ZBTB38: variants seen among roughly 807,000 people sequenced by gnomAD.
ZBTB38 encodes zinc finger and BTB domain containing 38.
ZBTB38 carries 20 observed loss-of-function variants against 76.8 expected under a neutral mutation model. The ratio of observed to expected loss-of-function variants is 0.26; its 90% CI spans 0.18 to 0.38. The LOEUF (loss-of-function observed/expected upper bound fraction) is 0.38, where lower values mean the gene tolerates loss of function less well. Ranked by LOEUF, ZBTB38 falls within the 10% of genes least tolerant of loss-of-function variation. ZBTB38 has a pLI of 1.00. For missense variants in ZBTB38, 1,082 were observed against 1,482.3 expected (o/e 0.73, Z 4.43); for synonymous variants, 504 against 544.2 (o/e 0.93, Z 1.03).
intron 5 of ZBTB38, among the ~76,000 whole-genome samples, chr3:141,417,661 C>T (rs1273322312): frequency 2.0e-5 from 3 of 152,176 alleles, no homozygotes; most frequent in Non-Finnish European, 4.4e-5. Flanking sequence ...TTTGTCAAAT[C>T]ATTCCTATAT....
At chr3:141,394,139 T>C (rs1340133670) in intron 4 of ZBTB38, 1 of 152,140 alleles carries the variant, frequency 6.6e-6, no homozygotes, top group Non-Finnish European at 1.5e-5. Flanking sequence ...GCCTCCTGAG[T>C]AGCTGGGACT....
At chr3:141,422,150 G>C (rs1289136276) in intron 5 of ZBTB38, among the ~76,000 whole-genome samples, 2 of 152,256 alleles carry the variant, frequency 1.3e-5, no homozygotes, top group Non-Finnish European at 2.9e-5. Flanking sequence ...CCTGAAAGCA[G>C]AATGGGCAGG....
chr3:141,363,407 A>G (rs540710704), intron 1 of ZBTB38, among the ~76,000 whole-genome samples: 1 of 152,262 alleles, frequency 6.6e-6, no homozygotes, highest in Admixed American at 6.5e-5. Context: ...CCTAAAAATC[A>G]TATGGCAATG....
At chr3:141,359,454 C>A (rs1389520666) in intron 1 of ZBTB38, among the ~76,000 whole-genome samples, 1 of 152,174 alleles carries the variant, frequency 6.6e-6, no homozygotes, top group Non-Finnish European at 1.5e-5. Context: ...GGGTGGTGAG[C>A]TGTGCCCAGC....
chr3:141,330,178 T>C (rs2148878277), intron 1 of ZBTB38, among the ~76,000 whole-genome samples: 1 of 152,072 alleles, frequency 6.6e-6, no homozygotes, highest in East Asian at 1.9e-4. Context: ...ACGTGTCCAG[T>C]GTTGACTATA....
intron 3 of ZBTB38, chr3:141,384,980 T>C (rs562640069): frequency 6.6e-6 from 1 of 152,344 alleles, no homozygotes; most frequent in South Asian, 2.1e-4. Flanking sequence ...ACTTATGCTC[T>C]GGGGCAGGAG....
At chr3:141,344,182 C>T (rs900591043) in intron 1 of ZBTB38, among the ~76,000 whole-genome samples, 1 of 152,152 alleles carries the variant, frequency 6.6e-6, no homozygotes, top group Non-Finnish European at 1.5e-5. Context: ...GCTTAACACA[C>T]ACAGTTATCT....
At chr3:141,433,927 GATTGCAGAGAGAACTGTGAAGCA>G in intron 5 of ZBTB38, among the ~76,000 whole-genome samples, 1 of 152,332 alleles carries the variant, frequency 6.6e-6, no homozygotes, top group African/African-American at 2.4e-5. Context: ...ATCTTTAAGA[GATTGCAGAGAGAACTGTGAAGCA>G]ATCCTACATT....
At chr3:141,327,672 T>C (rs2148871406) in intron 1 of ZBTB38, among the ~76,000 whole-genome samples, 1 of 152,264 alleles carries the variant, frequency 6.6e-6, no homozygotes, top group East Asian at 1.9e-4. Flanking sequence ...TGAATAAAGC[T>C]TGGACTTTAG....
chr3:141,446,044 T>G lies in ZBTB38; in HGVS notation c.*68T>G. 2 of 1,388,694 alleles carry G rather than the reference T, an allele frequency of 1.4e-6. No homozygotes were observed. The highest frequency in any genetic ancestry group is 1.9e-6 in the Non-Finnish European group (2 of 1,037,482). The allele number at this position is 1,388,694 out of a possible 1,614,324, so 86.0% of individuals were successfully genotyped here. On this transcript the variant is annotated 3_prime_UTR_variant, in exon 6 of 6. Coordinates refer to ENST00000321464, the MANE Select transcript of ZBTB38 (RefSeq NM_001376113.1). ...TTTTTTAGTTATGATTTAAGTTTAG[T>G]TTCATTTTGTCCATGTGACAGTCAT...
At chr3:141,340,590 T>G (rs1470734285) in intron 1 of ZBTB38, among the ~76,000 whole-genome samples, 1 of 151,278 alleles carries the variant, frequency 6.6e-6, no homozygotes, top group Non-Finnish European at 1.5e-5. Context: ...AATAGACATT[T>G]CTCCAAAGAA....
intron 4 of ZBTB38, chr3:141,387,716 T>C (rs1947517101): frequency 6.6e-6 from 1 of 152,230 alleles, no homozygotes; most frequent in South Asian, 2.1e-4. Flanking sequence ...TAAATTCAGT[T>C]CTGTGATCAC....
intron 5 of ZBTB38, among the ~76,000 whole-genome samples, chr3:141,412,560 AGTTT>A (rs1379003215): frequency 1.3e-5 from 2 of 151,428 alleles, no homozygotes; most frequent in Middle Eastern, 3.4e-3. Context: ...AGTGGTTTGG[AGTTT>A]GTTTGGGGAG....
At chr3:141,339,704 G>T (rs554422147) in intron 1 of ZBTB38, among the ~76,000 whole-genome samples, 2 of 152,206 alleles carry the variant, frequency 1.3e-5, no homozygotes, top group African/African-American at 4.8e-5. Context: ...AAAGCCTGGC[G>T]TGGAGTGGCG....
chr3:141,430,485 C>T (rs115966714), intron 5 of ZBTB38, among the ~76,000 whole-genome samples: 12 of 152,354 alleles, frequency 7.9e-5, no homozygotes, highest in African/African-American at 2.9e-4. Context: ...TTCCAGCTGA[C>T]ATTTCTTGAA....
chr3:141,364,672 C>A (rs1412209142), upstream of ZBTB38, among the ~76,000 whole-genome samples: 2 of 28,082 alleles, frequency 7.1e-5, no homozygotes, highest in South Asian at 1.9e-3. Context: ...AGGGAAACTA[C>A]ATCTAAAAAA....
chr3:141,444,708 A>T lies in ZBTB38; in HGVS notation c.2320A>T (p.Ile774Phe). 3 of 1,614,166 alleles carry T rather than the reference A, an allele frequency of 1.9e-6. No individual in the cohort carries two copies. The highest frequency in any genetic ancestry group is 2.5e-6 in the Non-Finnish European group (3 of 1,180,022). Residue 774 changes from isoleucine (I) to phenylalanine (F), a missense_variant, in exon 6 of 6, where the codon ATT becomes TTT. Ile to Phe is a conservative substitution (Grantham distance 21). Around this residue, in one of 8 missense-constraint regions of ZBTB38, gnomAD observed 471 missense variants for 581.0 expected, o/e 0.81. Transcript: ENST00000321464. This position sits in a 1 kb window ranked among gnomAD's most constrained non-coding sequence, Gnocchi z 5.1. The stretch of plus-strand genomic sequence containing the variant: ...TAGGTTTGCAAGCAGACCCAAAAGC[A>T]TTAAGGAGAAAAAGAAAACTACATC... Reference protein sequence around the residue: ...VGRFASRPKSIKEKKKTTSHT... With the variant: ...VGRFASRPKSFKEKKKTTSHT...
chr3:141,374,562 C>T (rs776488965), intron 2 of ZBTB38, among the ~76,000 whole-genome samples: 1 of 152,074 alleles, frequency 6.6e-6, no homozygotes, highest in African/African-American at 2.4e-5. Flanking sequence ...ACCCCTCACC[C>T]CAACCCCACC....
At chr3:141,401,467 A>G (rs1033656675) in intron 4 of ZBTB38, among the ~76,000 whole-genome samples, 11 of 152,124 alleles carry the variant, frequency 7.2e-5, no homozygotes, top group African/African-American at 2.4e-4. Context: ...TGTTGGCTTT[A>G]TATTTAATAT....
Sources: allele counts gnomAD v4.1 joint callset (sites outside exome capture counted in the v4.1 genomes callset), GRCh38; gene constraint gnomAD v4.1.1; regional missense constraint gnomAD v4.1.1; non-coding constraint Gnocchi (gnomAD v3.1); transcripts MANE v1.5; gene names NCBI Gene and HGNC (gene_info 2026-07-23, HGNC 2026-07-21).